PTPRT: variants seen among roughly 807,000 people sequenced by gnomAD.
PTPRT encodes protein tyrosine phosphatase receptor type T, also known as receptor-type tyrosine-protein phosphatase T.
Under a neutral mutation model 176.8 loss-of-function variants are expected in PTPRT, and 56 were observed. The ratio of observed to expected loss-of-function variants is 0.32; its 90% CI spans 0.26 to 0.40. The LOEUF (loss-of-function observed/expected upper bound fraction) is 0.40, where lower values mean the gene tolerates loss of function less well. PTPRT is among the 10% of genes least tolerant of loss of function. The pLI is 1.00. For synonymous variants in PTPRT, 783 were observed against 739.0 expected (o/e 1.06, Z -0.96); for missense variants, 1,540 against 1,908.2 (o/e 0.81, Z 3.60).
intron 5 of PTPRT, among the ~76,000 whole-genome samples, chr20:42,764,327 A>C (rs2076954494): frequency 6.6e-6 from 1 of 152,220 alleles, no homozygotes; most frequent in Non-Finnish European, 1.5e-5. Flanking sequence ...AGGGGATAAG[A>C]GAATTAAGAA....
intron 2 of PTPRT, among the ~76,000 whole-genome samples, chr20:42,827,782 T>C (rs551371546): frequency 1.3e-5 from 2 of 152,306 alleles, no homozygotes; most frequent in African/African-American, 4.8e-5. Context: ...GCCCCCTTTT[T>C]CTTGGCACTT....
intron 5 of PTPRT, among the ~76,000 whole-genome samples, chr20:42,770,857 G>A (rs1385056270): frequency 1.3e-5 from 2 of 152,156 alleles, no homozygotes; most frequent in African/African-American, 4.8e-5. Context: ...GAACTTTTAG[G>A]TTTTGGTCTG....
At chr20:42,176,170 C>T (rs1400332436) in intron 16 of PTPRT, among the ~76,000 whole-genome samples, 1 of 152,128 alleles carries the variant, frequency 6.6e-6, no homozygotes, top group African/African-American at 2.4e-5. Context: ...TGGAAACACT[C>T]ATTTGTTAGG....
intron 8 of PTPRT, among the ~76,000 whole-genome samples, chr20:42,459,432 G>A (rs1428978890): frequency 6.6e-6 from 1 of 152,216 alleles, no homozygotes; most frequent in Non-Finnish European, 1.5e-5. Context: ...TTTTGGTGCT[G>A]TGTTGAGAAA....
intron 21 of PTPRT, among the ~76,000 whole-genome samples, chr20:42,117,352 C>G (rs1048622671): frequency 1.3e-5 from 2 of 152,120 alleles, no homozygotes; most frequent in Admixed American, 6.5e-5. Flanking sequence ...TGTAGAGAGC[C>G]CTTTTAATTC....
intron 9 of PTPRT, among the ~76,000 whole-genome samples, chr20:42,390,870 G>A (rs976769150): frequency 6.6e-6 from 1 of 152,182 alleles, no homozygotes. Flanking sequence ...GAACTTTCTT[G>A]AGTACCGACC....
intron 7 of PTPRT, among the ~76,000 whole-genome samples, chr20:42,529,359 T>C (rs1271172062): frequency 3.9e-5 from 6 of 152,148 alleles, no homozygotes; most frequent in Non-Finnish European, 7.4e-5. Flanking sequence ...GTTTGACACA[T>C]GTGAAACAAG....
downstream of PTPRT, chr20:42,072,724 C>T (rs1347836352): frequency 5.1e-6 from 1 of 197,538 alleles, no homozygotes; most frequent in Non-Finnish European, 1.1e-5. Context: ...CTCATCCCTA[C>T]CCAACCTCAG....
intron 9 of PTPRT, among the ~76,000 whole-genome samples, chr20:42,378,190 C>T (rs533064434): frequency 2.6e-5 from 4 of 152,298 alleles, no homozygotes; most frequent in East Asian, 3.9e-4. Context: ...GGAGAGGGAC[C>T]GTGATGGTCT....
intron 1 of PTPRT, among the ~76,000 whole-genome samples, chr20:43,127,125 G>T (rs963717345): frequency 3.9e-5 from 6 of 151,946 alleles, no homozygotes; most frequent in African/African-American, 1.4e-4. Context: ...GAAAAAAAAT[G>T]CAACTCTAAA....
At chr20:42,215,712 C>T (rs754482084) in intron 15 of PTPRT, among the ~76,000 whole-genome samples, 1 of 152,222 alleles carries the variant, frequency 6.6e-6, no homozygotes, top group Non-Finnish European at 1.5e-5. Context: ...GTTGTAGAAT[C>T]TTGGATTCTC....
At chr20:43,059,446 A>C (rs997780208) in intron 1 of PTPRT, among the ~76,000 whole-genome samples, 1 of 152,256 alleles carries the variant, frequency 6.6e-6, no homozygotes, top group Non-Finnish European at 1.5e-5. Flanking sequence ...TCCACAAAAC[A>C]CTAGAACATG....
chr20:42,866,917 A>T (rs1203719991), intron 2 of PTPRT, among the ~76,000 whole-genome samples: 1 of 152,242 alleles, frequency 6.6e-6, no homozygotes, highest in Non-Finnish European at 1.5e-5. Context: ...TGTTGTAAAG[A>T]CTTAATAAAA....
At chr20:42,918,336 C>A (rs1241204628) in intron 1 of PTPRT, among the ~76,000 whole-genome samples, 1 of 152,194 alleles carries the variant, frequency 6.6e-6, no homozygotes, top group Non-Finnish European at 1.5e-5. Context: ...TTTCCCTGTA[C>A]AGCTTAGATA....
intron 7 of PTPRT, among the ~76,000 whole-genome samples, chr20:42,550,871 T>A (rs996345865): frequency 6.6e-6 from 1 of 152,128 alleles, no homozygotes; most frequent in Non-Finnish European, 1.5e-5. Flanking sequence ...TAAGTCTGAT[T>A]TGAGCCATGG....
chr20:42,457,756 T>G (rs924466575), intron 8 of PTPRT, among the ~76,000 whole-genome samples: 1 of 152,116 alleles, frequency 6.6e-6, no homozygotes, highest in African/African-American at 2.4e-5. Flanking sequence ...GCAAGAGGGC[T>G]TTTTAGGTGT....
At chr20:43,157,336 C>A (rs1438371619) in intron 1 of PTPRT, among the ~76,000 whole-genome samples, 3 of 152,146 alleles carry the variant, frequency 2.0e-5, no homozygotes, top group Non-Finnish European at 4.4e-5. Flanking sequence ...TGCACTCTAG[C>A]CTGGGTGGCA....
intron 11 of PTPRT, among the ~76,000 whole-genome samples, chr20:42,344,064 G>A (rs778676936): frequency 1.2e-4 from 19 of 152,180 alleles, no homozygotes; most frequent in South Asian, 1.0e-3. Context: ...CACACCCAAC[G>A]CATTTTTGTA....
At chr20:42,201,715 G>T (rs113519473) in intron 15 of PTPRT, among the ~76,000 whole-genome samples, 1 of 133,070 alleles carries the variant, frequency 7.5e-6, no homozygotes, top group African/African-American at 2.9e-5. Context: ...AACCTGACAG[G>T]GAGAGAACCA....
Sources: allele counts gnomAD v4.1 joint callset (sites outside exome capture counted in the v4.1 genomes callset), GRCh38; gene constraint gnomAD v4.1.1; transcripts MANE v1.5; gene names NCBI Gene and HGNC (gene_info 2026-07-23, HGNC 2026-07-21).